Variants in TIAM1 observed in about 807,000 individuals in gnomAD.
TIAM1 encodes the protein rho guanine nucleotide exchange factor TIAM1.
A neutral mutation model predicts 163.5 loss-of-function variants in TIAM1; 65 were observed. The ratio of observed to expected loss-of-function variants is 0.40; its 90% CI spans 0.33 to 0.49. The LOEUF (loss-of-function observed/expected upper bound fraction) is 0.49. Ranked by LOEUF, TIAM1 falls within the 20% of genes least tolerant of loss-of-function variation. TIAM1 has a pLI of 0.77. For synonymous variants in TIAM1, 833 were observed against 810.1 expected, an observed-to-expected ratio of 1.03 and a Z score of -0.48; for missense variants, 1,789 against 2,044.7, an observed-to-expected ratio of 0.87 and a Z score of 2.41.
chr21:31,408,437 C>G (rs1271363533), intron 2 of TIAM1, among the ~76,000 whole-genome samples: 2 of 152,172 alleles, frequency 1.3e-5, no homozygotes, highest in African/African-American at 4.8e-5. Context: ...ATTACGGACT[C>G]TCTTTCCCGA....
chr21:31,232,340 C>G (rs1485444630), intron 6 of TIAM1, among the ~76,000 whole-genome samples: 1 of 152,096 alleles, frequency 6.6e-6, no homozygotes, highest in Non-Finnish European at 1.5e-5. Flanking sequence ...AACTTTTGCT[C>G]CCACTGTCTT....
chr21:31,550,418 A>G (rs184901843), intron 1 of TIAM1, among the ~76,000 whole-genome samples: 3 of 152,222 alleles, frequency 2.0e-5, no homozygotes, highest in Non-Finnish European at 4.4e-5. Context: ...ATTTCTCGGT[A>G]ATGTCCAGAC....
intron 2 of TIAM1, among the ~76,000 whole-genome samples, chr21:31,304,650 A>G (rs2074628136): frequency 6.6e-6 from 1 of 152,146 alleles, no homozygotes; most frequent in South Asian, 2.1e-4. Flanking sequence ...AAATCCTGAC[A>G]ACAGATTAGA....
chr21:31,290,578 C>CAG (rs1490391341), intron 2 of TIAM1, among the ~76,000 whole-genome samples: 1 of 139,288 alleles, frequency 7.2e-6, no homozygotes, highest in Non-Finnish European at 1.5e-5. Context: ...ACCCAGAAGG[C>CAG]AGAGGTTGCA....
chr21:31,271,155 CTT>C (rs2146836460), intron 3 of TIAM1, among the ~76,000 whole-genome samples: 1 of 151,916 alleles, frequency 6.6e-6, no homozygotes, highest in East Asian at 1.9e-4. Context: ...CTGGAAGTGT[CTT>C]GTTTCCTGCT....
chr21:31,154,233 A>G lies in TIAM1; in HGVS notation c.3171+14T>C. ...GAGGCAGAGGGAGGGCAGGGGGAGA[A>G]AAAAGAAACATACCTTCACGTAGGT... On this transcript the variant is annotated intron_variant, in intron 17 of 27. Coordinates refer to ENST00000541036, the MANE Select transcript of TIAM1 (RefSeq NM_001353694.2). The G allele has an allele frequency of 6.2e-7, 1 of 1,611,240 alleles. No individual in the cohort carries two copies.
At chr21:31,514,014 A>G (rs1025026080) in intron 1 of TIAM1, among the ~76,000 whole-genome samples, 6 of 152,140 alleles carry the variant, frequency 3.9e-5, no homozygotes, top group African/African-American at 1.4e-4. Context: ...TCTCAAAAAA[A>G]TAATAATAAT....
intron 2 of TIAM1, among the ~76,000 whole-genome samples, chr21:31,371,636 C>A (rs1355085556): frequency 1.3e-5 from 2 of 152,078 alleles, no homozygotes; most frequent in African/African-American, 2.4e-5. Context: ...AGGGTTGAAC[C>A]ACTTGGGTCA....
At position 31,325,667 on chromosome 21, in the gene TIAM1, C is replaced by CAAA. The variant is rs200884558; in HGVS notation, c.-189+13573_-189+13575dup. Among the ~76,000 whole-genome samples, 670 of 99,962 alleles carry CAAA rather than the reference C, an allele frequency of 6.7e-3. 4 individuals are homozygous for CAAA. The highest frequency in any genetic ancestry group is 0.035 in the South Asian group (113 of 3,260). The allele number at this position is 99,962 out of a possible 152,430, so 65.6% of individuals were successfully genotyped here. A position where few individuals can be genotyped will look rare whatever the true frequency, so the allele number is the denominator to read the frequency against. On this transcript the variant is annotated intron_variant, in intron 2 of 27. Transcript: ENST00000541036. ...TGGGCGACAGAGCAAGACTCTGACTCAAAAAAAAAAAAAAAGAATGTATAC... is the reference window on the plus strand; with the variant it reads ...TGGGCGACAGAGCAAGACTCTGACTCAAAAAAAAAAAAAAAAAAGAATGTATAC...
intron 2 of TIAM1, among the ~76,000 whole-genome samples, chr21:31,308,644 T>C (rs919098230): frequency 6.6e-6 from 1 of 152,178 alleles, no homozygotes; most frequent in Non-Finnish European, 1.5e-5. Flanking sequence ...ATGATATTGA[T>C]AATATCCATT....
chr21:31,154,433 A>C lies in TIAM1; in HGVS notation c.2992-7T>G, dbSNP rs1568932089. 6 of 1,610,810 alleles carry C rather than the reference A, an allele frequency of 3.7e-6. No individual in the cohort carries two copies. In the East Asian group the frequency reaches 6.7e-5, roughly 18 times the overall value. On this transcript the variant is annotated splice_polypyrimidine_tract_variant and splice_region_variant and intron_variant, in intron 16 of 27. Coordinates refer to ENST00000541036, the MANE Select transcript of TIAM1 (RefSeq NM_001353694.2). ...CGGCCACCTGTTCTGTACTCTTCGG[A>C]GCACAGGGGGGAAGGGAAGGCAGAG...
At chr21:31,456,184 TA>T (rs1019860391) in intron 2 of TIAM1, among the ~76,000 whole-genome samples, 1 of 152,214 alleles carries the variant, frequency 6.6e-6, no homozygotes, top group Non-Finnish European at 1.5e-5. Flanking sequence ...TGTGACTGTT[TA>T]AAATTTGTAT....
intron 2 of TIAM1, among the ~76,000 whole-genome samples, chr21:31,403,207 G>A (rs542619634): frequency 6.6e-6 from 1 of 152,138 alleles, no homozygotes; most frequent in Non-Finnish European, 1.5e-5. Flanking sequence ...GAGTGCAGTG[G>A]CACAGTCTTG....
intron 17 of TIAM1, 73 bp downstream of exon 17, chr21:31,154,157 TAAATCAGCTGTTAATGA>T (rs1168918407): frequency 7.1e-7 from 1 of 1,399,544 alleles, no homozygotes; most frequent in African/African-American, 1.4e-5. Context: ...GAACACAGTT[TAAATCAGCTGTTAATGA>T]AAACCAGCAG....
At chr21:31,458,009 A>C (rs1310147028) in intron 2 of TIAM1, among the ~76,000 whole-genome samples, 2 of 152,224 alleles carry the variant, frequency 1.3e-5, no homozygotes, top group African/African-American at 2.4e-5. Context: ...TTGTTACCCA[A>C]CTAAAACTGT....
chr21:31,369,492 A>G (rs184684002), intron 2 of TIAM1, among the ~76,000 whole-genome samples: 1 of 152,282 alleles, frequency 6.6e-6, no homozygotes, highest in East Asian at 1.9e-4. Flanking sequence ...CTAGAGATCT[A>G]TACCACTATA....
intron 2 of TIAM1, among the ~76,000 whole-genome samples, chr21:31,449,698 G>C (rs2044754909): frequency 6.6e-6 from 1 of 152,090 alleles, no homozygotes; most frequent in African/African-American, 2.4e-5. Context: ...TTAAATGCTT[G>C]TTCCCTCCAC....
At chr21:31,377,669 G>T (rs111793366) in intron 2 of TIAM1, among the ~76,000 whole-genome samples, 72 of 152,174 alleles carry the variant, frequency 4.7e-4, no homozygotes, top group African/African-American at 1.4e-3. Flanking sequence ...CTTTTTAAAG[G>T]TTATCTAGCA....
intron 17 of TIAM1, 90 bp from the exon 18 acceptor site, chr21:31,153,224 T>C (rs1342253088): frequency 4.6e-6 from 5 of 1,087,586 alleles, no homozygotes; most frequent in Non-Finnish European, 5.3e-6. Flanking sequence ...TTAATGTCTA[T>C]AAAAGGATCT....
Sources: allele counts gnomAD v4.1 joint callset (sites outside exome capture counted in the v4.1 genomes callset), GRCh38; gene constraint gnomAD v4.1.1; transcripts MANE v1.5; gene names NCBI Gene and HGNC (gene_info 2026-07-23, HGNC 2026-07-21).